The following BSCL2 variants were observed in gnomAD, a reference collection of about 807,000 sequenced individuals.
BSCL2 encodes the protein BSCL2 lipid droplet biogenesis associated, seipin.
BSCL2 carries 41 observed loss-of-function variants against 57.4 expected under a neutral mutation model. The ratio of observed to expected loss-of-function variants is 0.71; its 90% CI spans 0.56 to 0.93. The LOEUF (loss-of-function observed/expected upper bound fraction) is 0.93, where lower values mean the gene tolerates loss of function less well. BSCL2 is among the 40% of genes least tolerant of loss of function. The pLI is 0.00. For missense variants in BSCL2, 539 were observed against 586.7 expected, an observed-to-expected ratio of 0.92 and a Z score of 0.84; for synonymous variants, 237 against 227.3, an observed-to-expected ratio of 1.04 and a Z score of -0.38.
At chr11:62,696,894 C>T (rs1422404105) in intron 3 of BSCL2, among the ~76,000 whole-genome samples, 1 of 151,936 alleles carries the variant, frequency 6.6e-6, no homozygotes, top group African/African-American at 2.4e-5. Flanking sequence ...TTCTCTTAGC[C>T]AGGTGTGGTG....
At chr11:62,690,975 G>C (rs1945293860) in intron 8 of BSCL2, 100 bp downstream of exon 8, 1 of 1,579,144 alleles carries the variant, frequency 6.3e-7, no homozygotes, top group Non-Finnish European at 8.7e-7. Flanking sequence ...GTCTCAGTCG[G>C]TGATACCCTA....
At chr11:62,700,084 T>TAA (rs34412546) in intron 3 of BSCL2, among the ~76,000 whole-genome samples, 6 of 80,216 alleles carry the variant, frequency 7.5e-5, no homozygotes, top group South Asian at 4.8e-4. Flanking sequence ...TACTAAAAAT[T>TAA]AAAAAAAAAA....
In BSCL2 at chr11:62,692,441, G is replaced by C; in HGVS notation, c.798C>G (p.Ile266Met). 6.2e-7 allele frequency: 1 copy of C among 1,614,104 alleles called. No homozygotes were observed. The highest frequency in any genetic ancestry group is 8.5e-7 in the Non-Finnish European group (1 of 1,180,042). Residue 266 changes from isoleucine (I) to methionine (M), a missense_variant, in exon 6 of 11, where the codon ATC (isoleucine) becomes ATG (methionine). Coordinates refer to ENST00000360796, the MANE Select transcript of BSCL2 (RefSeq NM_001122955.4). ...YVPTTGAIIEIHSKRIQLYGA... is the reference protein window; with the variant it reads ...YVPTTGAIIEMHSKRIQLYGA... The stretch of plus-strand genomic sequence containing the variant: ...CATACAGCTGGATGCGCTTGCTGTG[G>C]ATCTCAATGATCGCTCCAGTGGTCG...
At position 62,690,664 on chromosome 11, in the gene BSCL2, TG is replaced by T; in HGVS notation, c.1181del (p.Pro394GlnfsTer6). 1 of 1,613,912 alleles carries T rather than the reference TG, an allele frequency of 6.2e-7. No individual in the cohort carries two copies. ...TEGQLSEEEK[P>X]DQQPLSGEEE... Reference sequence around the variant, plus strand: ...CTTCTCCGCTCAGGGGCTGCTGATCTGGTTTCTCCTCCTCGGACAGCTGACC... The same window carrying T: ...CTTCTCCGCTCAGGGGCTGCTGATCTGTTTCTCCTCCTCGGACAGCTGACC... On this transcript the variant is annotated frameshift_variant, in exon 10 of 11. Coordinates refer to ENST00000360796, the MANE Select transcript of BSCL2 (RefSeq NM_001122955.4). LOFTEE classifies it high-confidence loss of function.
rs144098421 is a variant in BSCL2 at position 62,694,282 on chromosome 11, C to A, written c.630+286G>T. On this transcript the variant is annotated intron_variant, in intron 4 of 10. Transcript: ENST00000360796. ...ATAGTGGTGCAATCTTGGCTCACTG[C>A]AGACTCAACCTCCCAGGTTTAAGCG... Among the ~76,000 whole-genome samples, 21 of 138,118 alleles carry A rather than the reference C, an allele frequency of 1.5e-4. No homozygotes were observed. In the East Asian group the frequency reaches 4.7e-3, roughly 31 times the overall value. 90.6% of individuals were successfully genotyped at this position (138,118 alleles called of 152,430 possible).
intron 2 of BSCL2, among the ~76,000 whole-genome samples, chr11:62,704,369 T>TAAA (rs71056549): frequency 4.8e-4 from 39 of 81,744 alleles, no homozygotes; most frequent in African/African-American, 1.8e-3. Flanking sequence ...CCATCTCTAC[T>TAAA]AAAAAAAAAA....
chr11:62,690,908 T>TGGC, intron 8 of BSCL2, 41 bp from the exon 9 acceptor site: 2 of 1,607,634 alleles, frequency 1.2e-6, no homozygotes, highest in Non-Finnish European at 1.7e-6. Context: ...AGGGTTAGGG[T>TGGC]GGCTGTGCCT....
chr11:62,707,559 T>A (rs1231643596), upstream of BSCL2: 5 of 590,850 alleles, frequency 8.5e-6, no homozygotes, highest in Non-Finnish European at 1.5e-5. Flanking sequence ...TCAGGATGCC[T>A]GCAATGGGGG....
At chr11:62,699,874 C>T (rs12291596) in intron 3 of BSCL2, among the ~76,000 whole-genome samples, 5,557 of 150,984 alleles carry the variant, frequency 0.037, 342 homozygotes, top group African/African-American at 0.13. Flanking sequence ...AGACGGGGTT[C>T]GACTGTGTTG....
intron 3 of BSCL2, among the ~76,000 whole-genome samples, chr11:62,695,688 G>A (rs1945436945): frequency 6.8e-6 from 1 of 146,192 alleles, no homozygotes; most frequent in East Asian, 2.0e-4. Context: ...TGCAGCCTGG[G>A]CGACAAGAGC....
chr11:62,698,389 G>C (rs1160160194), intron 3 of BSCL2, among the ~76,000 whole-genome samples: 4 of 148,854 alleles, frequency 2.7e-5, no homozygotes, highest in African/African-American at 9.9e-5. Flanking sequence ...AGTAGAGACA[G>C]GGTTTCACCA....
rs144725547 is a variant in BSCL2 at position 62,691,125 on chromosome 11, C to T, written c.1022G>A (p.Arg341Lys). Residue 341 changes from arginine to lysine, a missense_variant, in exon 8 of 11, where the codon AGA becomes AAA. Coordinates refer to ENST00000360796, the MANE Select transcript of BSCL2 (RefSeq NM_001122955.4). ...TTGGACTTCCTTCCGGGAATTGTCT[C>T]TTTTTCGGATGTTAACCTGTGGAGG... ...RFSLQVNIRK[R>K]DNSRKEVQRR... 3.0e-5 allele frequency: 48 copies of T among 1,614,130 alleles called. No individual in the cohort carries two copies. The highest frequency in any genetic ancestry group is 4.1e-5 in the Non-Finnish European group (48 of 1,180,058).
At chr11:62,695,007 C>T (rs1473650694) in intron 3 of BSCL2, among the ~76,000 whole-genome samples, 1 of 152,232 alleles carries the variant, frequency 6.6e-6, no homozygotes, top group African/African-American at 2.4e-5. Context: ...CATCATGTTG[C>T]CAACTGGGCC....
At position 62,690,876 on chromosome 11, in the gene BSCL2, C is replaced by T. The variant is rs1945291362; in HGVS notation, c.1073-9G>A. On this transcript the variant is annotated splice_polypyrimidine_tract_variant and intron_variant, in intron 8 of 10. Coordinates refer to ENST00000360796, the MANE Select transcript of BSCL2 (RefSeq NM_001122955.4). ...CTCCTGGCCTTCAGGCCCTGCACCT[C>T]CAAAGAGGGAGAGGACAGGTTAGGG... The T allele has an allele frequency of 1.2e-6, 2 of 1,613,210 alleles. No homozygotes were observed. Among genetic ancestry groups the T allele is most frequent in the South Asian group, 2.2e-5 (2 of 90,978 alleles).
chr11:62,693,131 G>A (rs1180037210), intron 4 of BSCL2, among the ~76,000 whole-genome samples: 2 of 152,076 alleles, frequency 1.3e-5, no homozygotes, highest in East Asian at 3.8e-4. Context: ...ACCATCTGAA[G>A]CTTTCCCCCC....
At chr11:62,709,207 G>A (rs374269356), upstream of BSCL2, 1 of 456,618 alleles carries the variant, frequency 2.2e-6, no homozygotes, top group Admixed American at 2.3e-5. Flanking sequence ...CCTCAGGACA[G>A]CTCCTGTGTT....
chr11:62,706,758 C>G (rs1483203607), intron 1 of BSCL2: 1 of 532,764 alleles, frequency 1.9e-6, no homozygotes, highest in Non-Finnish European at 3.7e-6. Flanking sequence ...TTGCGGCAAC[C>G]TGGGCCTCTT....
upstream of BSCL2, chr11:62,708,488 C>T (rs1453526894): frequency 3.3e-6 from 4 of 1,223,972 alleles, no homozygotes; most frequent in African/African-American, 3.0e-5. Context: ...TTCTTTCCTT[C>T]ACTCCCTGAG....
upstream of BSCL2, chr11:62,708,427 G>A (rs2083579514): frequency 6.8e-7 from 1 of 1,472,034 alleles, no homozygotes; most frequent in South Asian, 1.1e-5. Flanking sequence ...CCCATTAGTT[G>A]GCCAGGCTGT....
Sources: gnomAD v4.1 joint callset for allele counts (sites outside exome capture counted in the v4.1 genomes callset) on GRCh38, gnomAD v4.1.1 for gene constraint, MANE v1.5 for transcripts, NCBI Gene and HGNC (gene_info 2026-07-23, HGNC 2026-07-21) for gene names.